Variants in RASGRP3 observed in about 807,000 individuals in gnomAD.
The protein encoded by RASGRP3 is RAS guanyl releasing protein 3, also known as ras guanyl-releasing protein 3.
In RASGRP3, 54 loss-of-function variants were observed where a neutral mutation model predicts 82.7. That is an observed-to-expected ratio of 0.65 (90% CI 0.52 to 0.82). The LOEUF is 0.82. Among genes scored for constraint, RASGRP3 ranks in the 40% least tolerant of loss-of-function variants. The probability of loss-of-function intolerance (pLI) is 0.00; values close to 1 mark genes in which losing one functional copy is unlikely to be tolerated. For missense variants in RASGRP3, 861 were observed against 828.9 expected (o/e 1.04, Z -0.48); for synonymous variants, 309 against 300.5 (o/e 1.03, Z -0.29).
intron 1 of RASGRP3, among the ~76,000 whole-genome samples, chr2:33,485,572 C>T (rs1464448601): frequency 6.6e-6 from 1 of 152,172 alleles, no homozygotes; most frequent in African/African-American, 2.4e-5. Context: ...GATTAACTAG[C>T]AGTGACAGTT....
In RASGRP3 at chr2:33,516,522, T is replaced by C; in HGVS notation, c.71-20T>C. The C allele has an allele frequency of 6.8e-7, 1 of 1,477,120 alleles. No individual in the cohort carries two copies. The highest frequency in any genetic ancestry group is 9.3e-7 in the Non-Finnish European group (1 of 1,071,044). 91.5% of individuals were successfully genotyped at this position (1,477,120 alleles called of 1,614,324 possible). ...AATAGCACTATTATCTCCTCACTTC[T>C]TGTTTTATTTTTCTAACAGATGACA... On this transcript the variant is annotated intron_variant, in intron 3 of 17. Coordinates refer to ENST00000403687, the MANE Select transcript of RASGRP3 (RefSeq NM_001139488.2).
chr2:33,456,054 C>T (rs1407939921), intron 2 of RASGRP3, among the ~76,000 whole-genome samples: 1 of 152,210 alleles, frequency 6.6e-6, no homozygotes, highest in Non-Finnish European at 1.5e-5. Flanking sequence ...CTTTCCATTT[C>T]TCCCACCCTC....
chr2:33,441,582 G>A (rs1387721883), intron 1 of RASGRP3, among the ~76,000 whole-genome samples: 3 of 152,220 alleles, frequency 2.0e-5, no homozygotes, highest in African/African-American at 7.2e-5. Context: ...CACCCTTACA[G>A]CTTGTTGGCC....
chr2:33,439,853 G>A lies in RASGRP3; in HGVS notation c.-385+3262G>A, dbSNP rs191958868. 3.3e-3 allele frequency among the ~76,000 whole-genome samples: 498 copies of A among 152,270 alleles called. 2 individuals carry two copies. Among genetic ancestry groups the A allele is most frequent in the Non-Finnish European group, 5.8e-3 (393 of 68,026 alleles). On this transcript the variant is annotated intron_variant, in intron 1 of 18. Transcript: ENST00000402538. ...GATGAGAAGTTCTGAAAAGGGAAAT[G>A]GCGTGCATAAGATCTGCCGGTTGGA...
chr2:33,521,413 C>T (rs181271984), intron 6 of RASGRP3, among the ~76,000 whole-genome samples: 9 of 152,300 alleles, frequency 5.9e-5, no homozygotes, highest in East Asian at 1.9e-4. Context: ...CTGTCGATTA[C>T]TATTGAATAC....
intron 11 of RASGRP3, among the ~76,000 whole-genome samples, chr2:33,538,677 A>G (rs1673905979): frequency 6.6e-6 from 1 of 152,194 alleles, no homozygotes; most frequent in South Asian, 2.1e-4. Flanking sequence ...TACTGGTATT[A>G]TGAATATACA....
At chr2:33,448,880 G>A (rs1038551385) in intron 2 of RASGRP3, among the ~76,000 whole-genome samples, 1 of 152,132 alleles carries the variant, frequency 6.6e-6, no homozygotes, top group East Asian at 1.9e-4. Flanking sequence ...GCAGTGAATT[G>A]TATGGTATGT....
intron 2 of RASGRP3, among the ~76,000 whole-genome samples, chr2:33,451,597 G>A (rs1321291862): frequency 2.0e-5 from 3 of 152,086 alleles, no homozygotes; most frequent in Non-Finnish European, 4.4e-5. Context: ...TCTATTTTGA[G>A]TTCATTTTTG....
intron 1 of RASGRP3, among the ~76,000 whole-genome samples, chr2:33,498,187 T>C (rs779660156): frequency 5.9e-5 from 9 of 152,220 alleles, no homozygotes; most frequent in Non-Finnish European, 1.2e-4. Context: ...TAACACTCAT[T>C]GAGGGCATAC....
At chr2:33,469,949 T>C (rs1334556137) in intron 2 of RASGRP3, among the ~76,000 whole-genome samples, 3 of 152,252 alleles carry the variant, frequency 2.0e-5, no homozygotes, top group African/African-American at 7.2e-5. Context: ...GTAGTTCTTC[T>C]ATGTGTATTT....
intron 5 of RASGRP3, 61 bp from the exon 6 acceptor site, chr2:33,520,492 C>A (rs140126148): frequency 0.018 from 28,772 of 1,595,266 alleles, 380 homozygotes; most frequent in Non-Finnish European, 0.021. Flanking sequence ...ACGGTACAAT[C>A]GTTTCCATAG....
At chr2:33,489,809 T>A (rs948922307) in intron 1 of RASGRP3, among the ~76,000 whole-genome samples, 1 of 152,222 alleles carries the variant, frequency 6.6e-6, no homozygotes, top group Non-Finnish European at 1.5e-5. Flanking sequence ...TGTGCTGGGA[T>A]TACAGGTGTG....
At chr2:33,493,791 A>C (rs1669068820) in intron 1 of RASGRP3, among the ~76,000 whole-genome samples, 1 of 152,152 alleles carries the variant, frequency 6.6e-6, no homozygotes. Context: ...AGAGATGATC[A>C]GATTGAAATA....
intron 12 of RASGRP3, 181 bp downstream of exon 12, chr2:33,539,391 G>T: frequency 3.7e-6 from 2 of 544,696 alleles, no homozygotes; most frequent in South Asian, 2.8e-5. Context: ...GATCAGAAAG[G>T]CCCTTTTCCC....
chr2:33,452,470 G>A (rs1040123558), intron 2 of RASGRP3, among the ~76,000 whole-genome samples: 3 of 152,194 alleles, frequency 2.0e-5, no homozygotes, highest in African/African-American at 7.2e-5. Context: ...TGGTGCCTGA[G>A]TCAGCAGGCA....
chr2:33,547,666 T>G (rs1674931723), intron 13 of RASGRP3, among the ~76,000 whole-genome samples: 1 of 152,128 alleles, frequency 6.6e-6, no homozygotes, highest in African/African-American at 2.4e-5. Context: ...AGATTAAGTC[T>G]TCAGCCCCAC....
At chr2:33,502,659 C>A (rs571169491) in intron 1 of RASGRP3, among the ~76,000 whole-genome samples, 68 of 151,944 alleles carry the variant, frequency 4.5e-4, no homozygotes, top group African/African-American at 1.6e-3. Flanking sequence ...ACTACAGGCA[C>A]GCACCACCAC....
intron 13 of RASGRP3, among the ~76,000 whole-genome samples, chr2:33,547,213 C>T (rs139864997): frequency 5.6e-4 from 85 of 152,044 alleles, no homozygotes; most frequent in African/African-American, 1.8e-3. Context: ...GATGAGAACT[C>T]AAGAACACAA....
chr2:33,518,035 C>A (rs1454428450), intron 4 of RASGRP3, among the ~76,000 whole-genome samples: 1 of 152,042 alleles, frequency 6.6e-6, no homozygotes, highest in Admixed American at 6.5e-5. Context: ...TATTAATATA[C>A]CTGAAAATGA....
Sources: gnomAD v4.1 joint callset for allele counts (sites outside exome capture counted in the v4.1 genomes callset) on GRCh38, gnomAD v4.1.1 for gene constraint, MANE v1.5 for transcripts, NCBI Gene and HGNC (gene_info 2026-07-23, HGNC 2026-07-21) for gene names.